The following TRIM16 variants were observed in gnomAD, a reference collection of about 807,000 sequenced individuals.
TRIM16 encodes tripartite motif-containing protein 16.
Under a neutral mutation model 50.4 loss-of-function variants are expected in TRIM16, and 33 were observed. The observed-to-expected ratio is 0.65, with a 90% CI of 0.50 to 0.88. TRIM16 has a LOEUF of 0.88. Among genes scored for constraint, TRIM16 ranks in the 40% least tolerant of loss-of-function variants. TRIM16 has a pLI of 0.00. For missense variants in TRIM16, 581 were observed against 686.8 expected, an observed-to-expected ratio of 0.85 and a Z score of 1.72; for synonymous variants, 229 against 270.7, an observed-to-expected ratio of 0.85 and a Z score of 1.51.
At chr17:15,645,576 A>G (rs544690070) in intron 7 of TRIM16, among the ~76,000 whole-genome samples, 7 of 149,102 alleles carry the variant, frequency 4.7e-5, no homozygotes, top group South Asian at 2.1e-4. Context: ...AAAAAGAAAA[A>G]AAAAAAAGAA....
At chr17:15,675,033 G>A (rs1170377249) in intron 6 of TRIM16, among the ~76,000 whole-genome samples, 6 of 151,940 alleles carry the variant, frequency 3.9e-5, no homozygotes, top group Non-Finnish European at 5.9e-5. Flanking sequence ...GCTCAGTTCT[G>A]CACAACTAGA....
intron 9 of TRIM16, 108 bp from the exon 10 acceptor site, chr17:15,632,782 T>C: frequency 7.6e-7 from 1 of 1,321,834 alleles, no homozygotes; most frequent in Non-Finnish European, 1.0e-6. Flanking sequence ...CTGACGGTAA[T>C]GTGTCCTTCA....
intron 7 of TRIM16, 49 bp downstream of exon 7, chr17:15,651,042 A>G: frequency 6.4e-7 from 1 of 1,562,634 alleles, no homozygotes; most frequent in Non-Finnish European, 8.7e-7. Flanking sequence ...TGGGCACACC[A>G]TCCCCCACCG....
At chr17:15,659,497 A>G (rs991571158) in intron 6 of TRIM16, among the ~76,000 whole-genome samples, 2 of 152,166 alleles carry the variant, frequency 1.3e-5, no homozygotes, top group Admixed American at 6.5e-5. Context: ...AGGGCGTGAC[A>G]TTTTATGCGG....
At position 15,651,945 on chromosome 17, in the gene TRIM16, C is replaced by T; in HGVS notation, c.-336G>A. 8.0e-7 allele frequency: 1 copy of T among 1,244,670 alleles called. No individual in the cohort carries two copies. Among genetic ancestry groups the T allele is most frequent in the Non-Finnish European group, 1.0e-6 (1 of 986,446 alleles). 77.1% of individuals were successfully genotyped at this position (1,244,670 alleles called of 1,614,324 possible). A position where few individuals can be genotyped will look rare whatever the true frequency, so the allele number is the denominator to read the frequency against. On this transcript the variant is annotated splice_region_variant and 5_prime_UTR_variant, in exon 7 of 12. Transcript: ENST00000649191. Reference sequence around the variant, plus strand: ...TGAAGACCACGTGTCTCTGTGCCTGCTCTGGAAAGGACAGAAGATTCCTGA... The same window carrying T: ...TGAAGACCACGTGTCTCTGTGCCTGTTCTGGAAAGGACAGAAGATTCCTGA...
intron 6 of TRIM16, among the ~76,000 whole-genome samples, chr17:15,668,327 G>T (rs1988586498): frequency 6.6e-6 from 1 of 152,154 alleles, no homozygotes; most frequent in South Asian, 2.1e-4. Flanking sequence ...CATCTATTTT[G>T]TCATGTTGTA....
At chr17:15,664,224 C>T (rs1988375006) in intron 6 of TRIM16, among the ~76,000 whole-genome samples, 1 of 152,164 alleles carries the variant, frequency 6.6e-6, no homozygotes, top group Non-Finnish European at 1.5e-5. Flanking sequence ...GGCAGAGAAG[C>T]AGGCACAGGT....
At chr17:15,677,438 T>C (rs1988996549) in intron 5 of TRIM16, 137 bp downstream of exon 5, 1 of 929,892 alleles carries the variant, frequency 1.1e-6, no homozygotes, top group Admixed American at 6.2e-5. Context: ...AGAAACAGTT[T>C]AAGGATCTGA....
chr17:15,632,812 G>A (rs1426968286), intron 9 of TRIM16, 138 bp from the exon 10 acceptor site: 1 of 1,209,240 alleles, frequency 8.3e-7, no homozygotes, highest in East Asian at 2.6e-5. Flanking sequence ...TACATGTGAA[G>A]TGTCAAGCTC....
intron 6 of TRIM16, among the ~76,000 whole-genome samples, chr17:15,657,500 T>A (rs1389107562): frequency 6.6e-6 from 1 of 152,228 alleles, no homozygotes; most frequent in African/African-American, 2.4e-5. Flanking sequence ...TCTTTTCATC[T>A]TGCAAAACTG....
intron 6 of TRIM16, among the ~76,000 whole-genome samples, chr17:15,673,079 T>G (rs1450551189): frequency 6.6e-6 from 1 of 152,212 alleles, no homozygotes; most frequent in African/African-American, 2.4e-5. Flanking sequence ...ATGAGGACTC[T>G]GAAGGAACAA....
chr17:15,680,998 T>C, intron 3 of TRIM16, 45 bp from the exon 4 acceptor site: 1 of 1,382,530 alleles, frequency 7.2e-7, no homozygotes, highest in South Asian at 1.4e-5. Flanking sequence ...TCTTTATGTA[T>C]CTCAAACCTA....
chr17:15,632,421 T>C (rs1986475550), intron 10 of TRIM16, 88 bp downstream of exon 10: 12 of 1,429,590 alleles, frequency 8.4e-6, no homozygotes, highest in Middle Eastern at 1.9e-4. Flanking sequence ...CCTGATTTCA[T>C]CCTCCCTTCC....
chr17:15,632,457 T>C (rs1218420012), intron 10 of TRIM16, 52 bp downstream of exon 10: 5 of 1,515,056 alleles, frequency 3.3e-6, no homozygotes, highest in Non-Finnish European at 4.4e-6. Context: ...CTTCCTATCA[T>C]CTACTGCTAG....
At chr17:15,664,192 A>G (rs58352721) in intron 6 of TRIM16, among the ~76,000 whole-genome samples, 32,714 of 152,128 alleles carry the variant, frequency 0.22, 3,641 homozygotes, top group East Asian at 0.33. Context: ...AGCAGCACAG[A>G]TGATCCCATC....
rs1988521902 is a variant in TRIM16, at chr17:15,666,856, T to A, written c.-338+10320A>T. Among the ~76,000 whole-genome samples the A allele has an allele frequency of 3.3e-5, 5 of 152,246 alleles. No individual in the cohort carries two copies. The South Asian group carries it at 1.0e-3, about 31-fold the overall frequency. ...TTTGTTCTACATTTGGGCTATTTGG[T>A]ATTATCTTTACCCCATCCTTTTACC... On this transcript the variant is annotated intron_variant, in intron 6 of 11. Coordinates refer to ENST00000649191, the MANE Select transcript of TRIM16 (RefSeq NM_001348119.1).
At chr17:15,652,914 C>G (rs897738214) in intron 6 of TRIM16, among the ~76,000 whole-genome samples, 1 of 152,170 alleles carries the variant, frequency 6.6e-6, no homozygotes, top group African/African-American at 2.4e-5. Context: ...ATGCTCCCTT[C>G]AGGTTAACAG....
intron 1 of TRIM16, 33 bp from the exon 2 acceptor site, chr17:15,683,190 CCT>C (rs1989252125): frequency 1.0e-5 from 15 of 1,456,418 alleles, no homozygotes; most frequent in Non-Finnish European, 1.3e-5. Flanking sequence ...GAAGTTTTCC[CCT>C]TTTTCATTGT....
In TRIM16 at chr17:15,680,894, C is replaced by G; in HGVS notation, c.-619G>C. On this transcript the variant is annotated 5_prime_UTR_variant, in exon 4 of 12. Coordinates refer to ENST00000649191, the MANE Select transcript of TRIM16 (RefSeq NM_001348119.1). ...GACTCTGCTGTCCGGCAAAGAGCAG[C>G]CATATTTTCCTTCTTAAGATACCCC... 1 of 1,546,904 alleles carries G rather than the reference C, an allele frequency of 6.5e-7. No homozygotes were observed. Among genetic ancestry groups the G allele is most frequent in the Non-Finnish European group, 8.7e-7 (1 of 1,146,094 alleles).
Sources: gnomAD v4.1 joint callset for allele counts (sites outside exome capture counted in the v4.1 genomes callset) on GRCh38, gnomAD v4.1.1 for gene constraint, MANE v1.5 for transcripts, NCBI Gene and HGNC (gene_info 2026-07-23, HGNC 2026-07-21) for gene names.